ANKFN1: variants seen among roughly 807,000 people sequenced by gnomAD.
ANKFN1 encodes ankyrin repeat and fibronectin type III domain containing 1, also known as ankyrin repeat and fibronectin type-III domain-containing protein 1.
In ANKFN1, 74 loss-of-function variants were observed where a neutral mutation model predicts 108.7. That is an observed-to-expected ratio of 0.68 (90% CI 0.56 to 0.83). The LOEUF (loss-of-function observed/expected upper bound fraction) is 0.83, where lower values mean the gene tolerates loss of function less well. Among genes scored for constraint, ANKFN1 ranks in the 40% least tolerant of loss-of-function variants. ANKFN1 has a pLI of 0.00. For synonymous variants in ANKFN1, 547 were observed against 516.2 expected (o/e 1.06, Z -0.81); for missense variants, 1,505 against 1,382.3 (o/e 1.09, Z -1.41).
At chr17:56,170,239 C>T (rs1430626629) in intron 1 of ANKFN1, among the ~76,000 whole-genome samples, 1 of 152,174 alleles carries the variant, frequency 6.6e-6, no homozygotes, top group Non-Finnish European at 1.5e-5. Context: ...TATTCCTCCT[C>T]CAGGAGGAAG....
chr17:56,343,712 A>G (rs1385585514), intron 4 of ANKFN1, among the ~76,000 whole-genome samples: 1 of 151,878 alleles, frequency 6.6e-6, no homozygotes, highest in South Asian at 2.1e-4. Context: ...TTATTTGTAT[A>G]TTGGTATACT....
intron 4 of ANKFN1, among the ~76,000 whole-genome samples, chr17:56,088,402 T>C (rs1277729051): frequency 6.6e-6 from 1 of 151,386 alleles, no homozygotes; most frequent in Non-Finnish European, 1.5e-5. Context: ...GCTGTCTGTC[T>C]GTCAGCCCCA....
chr17:56,137,406 C>T (rs1343522255), intron 4 of ANKFN1, among the ~76,000 whole-genome samples: 1 of 152,152 alleles, frequency 6.6e-6, no homozygotes, highest in Admixed American at 6.6e-5. Flanking sequence ...AATCCCTTGC[C>T]CAAGTTTCCC....
At chr17:56,494,524 C>T (rs1185201626) in intron 19 of ANKFN1, among the ~76,000 whole-genome samples, 2 of 151,942 alleles carry the variant, frequency 1.3e-5, no homozygotes. Context: ...CCCAGAAGTT[C>T]AAGACCAGCC....
At chr17:56,215,334 T>A (rs1915343465) in intron 2 of ANKFN1, among the ~76,000 whole-genome samples, 1 of 152,204 alleles carries the variant, frequency 6.6e-6, no homozygotes, top group East Asian at 1.9e-4. Context: ...CCACACCCAG[T>A]TTCCTCATCT....
In ANKFN1 at chr17:56,088,085, T is replaced by C. The variant is rs922516240; in HGVS notation, c.288+41760T>C. The stretch of plus-strand genomic sequence containing the variant: ...TTCACCTAAGTCACGTTGCTCTTAC[T>C]TTCCCTCCAGGTAGAATCTTCTTTA... On this transcript the variant is annotated intron_variant, in intron 4 of 12. Transcript: ENST00000635860. Among the ~76,000 whole-genome samples, 29 of 151,358 alleles carry C rather than the reference T, an allele frequency of 1.9e-4. 1 individual carries two copies. The highest frequency in any genetic ancestry group is 3.0e-4 in the Non-Finnish European group (20 of 67,748).
At chr17:56,385,298 A>T (rs1198549406) in intron 8 of ANKFN1, among the ~76,000 whole-genome samples, 1 of 152,218 alleles carries the variant, frequency 6.6e-6, no homozygotes, top group African/African-American at 2.4e-5. Context: ...TCCCTTCCTT[A>T]CACCTTATAT....
chr17:56,181,138 T>C (rs1415261693), intron 1 of ANKFN1, among the ~76,000 whole-genome samples: 1 of 152,180 alleles, frequency 6.6e-6, no homozygotes, highest in Non-Finnish European at 1.5e-5. Flanking sequence ...AGAAAAGTAA[T>C]GTTAATTCTG....
At chr17:56,198,581 T>A (rs1451334461) in intron 1 of ANKFN1, among the ~76,000 whole-genome samples, 1 of 152,226 alleles carries the variant, frequency 6.6e-6, no homozygotes, top group Non-Finnish European at 1.5e-5. Context: ...AGCTAAACAT[T>A]TGTCCTTATT....
At chr17:56,274,091 G>A (rs965906092) in intron 3 of ANKFN1, among the ~76,000 whole-genome samples, 6 of 152,128 alleles carry the variant, frequency 3.9e-5, no homozygotes, top group African/African-American at 9.7e-5. Context: ...GGATAGATCC[G>A]AGTCACATAC....
At chr17:56,433,466 GTA>G (rs748374000) in intron 8 of ANKFN1, among the ~76,000 whole-genome samples, 1 of 151,630 alleles carries the variant, frequency 6.6e-6, no homozygotes, top group Non-Finnish European at 1.5e-5. Flanking sequence ...CTATATATAT[GTA>G]TATATATATG....
chr17:56,122,294 T>G (rs1906671821), intron 4 of ANKFN1, among the ~76,000 whole-genome samples: 1 of 152,184 alleles, frequency 6.6e-6, no homozygotes, highest in African/African-American at 2.4e-5. Flanking sequence ...AAATTACAGT[T>G]TTATAACTTT....
intron 1 of ANKFN1, among the ~76,000 whole-genome samples, chr17:56,172,610 A>G (rs1448250602): frequency 4.6e-5 from 7 of 152,104 alleles, no homozygotes; most frequent in Non-Finnish European, 2.9e-5. Context: ...GGAGGTGCCA[A>G]CTCAGAGTCT....
chr17:56,344,843 G>T (rs956563014), intron 4 of ANKFN1, among the ~76,000 whole-genome samples: 4 of 151,852 alleles, frequency 2.6e-5, no homozygotes, highest in African/African-American at 7.3e-5. Context: ...CCCTTCCAGT[G>T]GCTGACAGGC....
At chr17:56,152,378 A>C (rs949027516), upstream of ANKFN1, among the ~76,000 whole-genome samples, 6 of 151,898 alleles carry the variant, frequency 4.0e-5, no homozygotes, top group African/African-American at 1.5e-4. Flanking sequence ...TCACCTGCAG[A>C]GATACCTATT....
chr17:56,068,275 A>G (rs1008042868), intron 4 of ANKFN1, among the ~76,000 whole-genome samples: 1 of 152,116 alleles, frequency 6.6e-6, no homozygotes, highest in Non-Finnish European at 1.5e-5. Context: ...GGTTAAAGGG[A>G]GTTGAATGAT....
At chr17:56,360,646 A>C (rs1235455802) in intron 6 of ANKFN1, among the ~76,000 whole-genome samples, 1 of 152,160 alleles carries the variant, frequency 6.6e-6, no homozygotes, top group African/African-American at 2.4e-5. Context: ...GTGTCAATAT[A>C]TTATCCCTTA....
chr17:56,442,963 A>C, intron 10 of ANKFN1, 30 bp downstream of exon 10: 1 of 1,605,878 alleles, frequency 6.2e-7, no homozygotes, highest in Non-Finnish European at 8.5e-7. Flanking sequence ...TCTCTCCAGC[A>C]TGGTAACAGA....
In ANKFN1 at chr17:56,466,400, C is replaced by A; in HGVS notation, c.1602C>A (p.Pro534=). 6.2e-7 allele frequency: 1 copy of A among 1,614,078 alleles called. No homozygotes were observed. Among genetic ancestry groups the A allele is most frequent in the Non-Finnish European group, 8.5e-7 (1 of 1,179,994 alleles). ...THNLGRVYYE[P]IKDRHGNILI... ...ACTTGGGAAGAGTTTACTATGAGCC[C>A]ATTAAAGATCGACATGGAAACATAC... The change falls in exon 15 of 21, where the codon CCC becomes CCA. Residue 534 remains proline, a synonymous_variant. Transcript: ENST00000682825.
Sources: gnomAD v4.1 joint callset for allele counts (sites outside exome capture counted in the v4.1 genomes callset) on GRCh38, gnomAD v4.1.1 for gene constraint, MANE v1.5 for transcripts, NCBI Gene and HGNC (gene_info 2026-07-23, HGNC 2026-07-21) for gene names.